NTM: variants seen among roughly 807,000 people sequenced by gnomAD.
NTM encodes IgLON family member 2.
In NTM, 13 loss-of-function variants were observed where a neutral mutation model predicts 42.1. The ratio of observed to expected loss-of-function variants is 0.31; its 90% CI spans 0.20 to 0.49. The LOEUF (loss-of-function observed/expected upper bound fraction) is 0.49. Among genes scored for constraint, NTM ranks in the 20% least tolerant of loss-of-function variants. NTM has a pLI of 0.99. For missense variants in NTM, 373 were observed against 452.8 expected, an observed-to-expected ratio of 0.82 and a Z score of 1.60; for synonymous variants, 187 against 179.2, an observed-to-expected ratio of 1.04 and a Z score of -0.35.
intron 1 of NTM, among the ~76,000 whole-genome samples, chr11:131,601,057 G>A (rs1163709700): frequency 6.6e-6 from 1 of 152,110 alleles, no homozygotes; most frequent in African/African-American, 2.4e-5. Context: ...TTTGGGATGG[G>A]GCACCTCTCC....
intron 1 of NTM, among the ~76,000 whole-genome samples, chr11:131,577,234 G>T (rs1470888162): frequency 1.3e-5 from 2 of 152,100 alleles, no homozygotes; most frequent in Admixed American, 6.6e-5. Context: ...TAGCTAGAAG[G>T]CATCAATAAA....
rs1350185479 is a variant in NTM, at chr11:131,641,667, G to GATAATT, written c.83-269897_83-269896insATAATT. Among the ~76,000 whole-genome samples, 3 of 152,182 alleles carry GATAATT rather than the reference G, an allele frequency of 2.0e-5. No individual in the cohort carries two copies. The East Asian group carries it at 5.8e-4, about 29-fold the overall frequency. On this transcript the variant is annotated intron_variant, in intron 1 of 8. Coordinates refer to ENST00000683400, the MANE Select transcript of NTM (RefSeq NM_001352005.2). The stretch of plus-strand genomic sequence containing the variant: ...AGATAATTGGCAGTGGCCACAAAAG[G>GATAATT]TGCACTACTTGCAAATTAATTCAGT...
intron 2 of NTM, among the ~76,000 whole-genome samples, chr11:132,123,756 G>A (rs1172144572): frequency 6.6e-6 from 1 of 152,194 alleles, no homozygotes; most frequent in East Asian, 1.9e-4. Flanking sequence ...AGGCAAACAG[G>A]ACCAGCCCAG....
chr11:131,850,443 C>T (rs1268759328), intron 1 of NTM, among the ~76,000 whole-genome samples: 3 of 152,252 alleles, frequency 2.0e-5, no homozygotes, highest in Admixed American at 2.0e-4. Flanking sequence ...TTATAAATGA[C>T]TCTTGGCCCC....
intron 1 of NTM, among the ~76,000 whole-genome samples, chr11:131,796,611 G>A (rs1394872208): frequency 6.6e-6 from 1 of 152,208 alleles, no homozygotes; most frequent in East Asian, 1.9e-4. Flanking sequence ...GAAATGGAGT[G>A]TGTAGAGTCC....
chr11:132,316,286 G>A (rs2095428894), intron 7 of NTM, among the ~76,000 whole-genome samples: 1 of 152,178 alleles, frequency 6.6e-6, no homozygotes, highest in South Asian at 2.1e-4. Flanking sequence ...TTGAATAGAT[G>A]ACATTTATGA....
chr11:131,759,669 AT>A (rs769713556), intron 1 of NTM, among the ~76,000 whole-genome samples: 2,660 of 142,740 alleles, frequency 0.019, 29 homozygotes, highest in Non-Finnish European at 0.025. Flanking sequence ...AGTGCTCAAG[AT>A]TTTTTTTTTT....
chr11:131,639,050 G>C (rs2064801359), intron 1 of NTM, among the ~76,000 whole-genome samples: 1 of 152,200 alleles, frequency 6.6e-6, no homozygotes, highest in African/African-American at 2.4e-5. Flanking sequence ...ACACAGAGAG[G>C]TCAAGTAACT....
intron 3 of NTM, among the ~76,000 whole-genome samples, chr11:132,157,783 G>A (rs1455234704): frequency 6.6e-6 from 1 of 152,140 alleles, no homozygotes; most frequent in Non-Finnish European, 1.5e-5. Context: ...CCCTAAACCT[G>A]CTCCTCCTGG....
At chr11:131,853,336 T>C (rs1233752222) in intron 1 of NTM, among the ~76,000 whole-genome samples, 3 of 152,136 alleles carry the variant, frequency 2.0e-5, no homozygotes, top group Admixed American at 6.6e-5. Context: ...GATCATCCCA[T>C]CACCCAGGTA....
intron 4 of NTM, among the ~76,000 whole-genome samples, chr11:132,213,721 G>T (rs2083291066): frequency 7.3e-6 from 1 of 136,692 alleles, no homozygotes; most frequent in Admixed American, 7.5e-5. Flanking sequence ...GCTGTCCTGG[G>T]CCACCATTCT....
At chr11:131,783,960 T>C (rs1332833191) in intron 1 of NTM, among the ~76,000 whole-genome samples, 2 of 152,296 alleles carry the variant, frequency 1.3e-5, no homozygotes, top group Admixed American at 6.5e-5. Flanking sequence ...TTATCCGTTT[T>C]TTAAAATAAG....
At chr11:131,861,213 A>G (rs895995350) in intron 1 of NTM, among the ~76,000 whole-genome samples, 7 of 152,198 alleles carry the variant, frequency 4.6e-5, no homozygotes, top group Non-Finnish European at 4.4e-5. Flanking sequence ...AAGGGCCTAC[A>G]CATCAACACC....
chr11:132,074,274 G>T (rs2058075872), intron 2 of NTM, among the ~76,000 whole-genome samples: 1 of 152,174 alleles, frequency 6.6e-6, no homozygotes, highest in African/African-American at 2.4e-5. Flanking sequence ...TGAGGGATTT[G>T]GCTGAGTCAG....
At chr11:131,448,637 G>A (rs370132971) in intron 1 of NTM, among the ~76,000 whole-genome samples, 18 of 152,230 alleles carry the variant, frequency 1.2e-4, no homozygotes, top group African/African-American at 4.1e-4. Flanking sequence ...CACATGGAAG[G>A]AAGAGGCTAC....
chr11:132,076,097 A>G (rs2058329150), intron 2 of NTM, among the ~76,000 whole-genome samples: 1 of 152,238 alleles, frequency 6.6e-6, no homozygotes, highest in Admixed American at 6.5e-5. Context: ...TGTTGTTGAA[A>G]TAGCTGTCTT....
intron 1 of NTM, among the ~76,000 whole-genome samples, chr11:131,802,138 C>T (rs1223196490): frequency 1.3e-5 from 2 of 152,298 alleles, no homozygotes; most frequent in Admixed American, 6.5e-5. Flanking sequence ...CATCTTTCAA[C>T]TGACAATAAA....
intron 1 of NTM, among the ~76,000 whole-genome samples, chr11:131,826,587 G>A (rs944381167): frequency 4.7e-5 from 7 of 147,442 alleles, no homozygotes; most frequent in African/African-American, 1.7e-4. Context: ...GTCAGAAAAA[G>A]TATTCTAAAT....
At chr11:131,968,866 C>G (rs762206021) in intron 2 of NTM, among the ~76,000 whole-genome samples, 1 of 152,188 alleles carries the variant, frequency 6.6e-6, no homozygotes, top group South Asian at 2.1e-4. Flanking sequence ...TATTTTCCCA[C>G]TGGCTTTTTC....
Sources: gnomAD v4.1 joint callset for allele counts (sites outside exome capture counted in the v4.1 genomes callset) on GRCh38, gnomAD v4.1.1 for gene constraint, MANE v1.5 for transcripts, NCBI Gene and HGNC (gene_info 2026-07-23, HGNC 2026-07-21) for gene names.